RNLS: variants seen among roughly 807,000 people sequenced by gnomAD.
RNLS encodes the protein renalase.
In RNLS, 39 loss-of-function variants were observed where a neutral mutation model predicts 39.8. The observed-to-expected ratio is 0.98, with a 90% CI of 0.76 to 1.28. The LOEUF is 1.28. Among genes scored for constraint, RNLS ranks in the 50% most tolerant of loss-of-function variants. The pLI, the probability that RNLS is intolerant of heterozygous loss-of-function variation, is 0.00. For missense variants in RNLS, 410 were observed against 413.3 expected (o/e 0.99, Z 0.07); for synonymous variants, 147 against 150.7 (o/e 0.98, Z 0.18).
At chr10:88,516,174 G>T (rs909953830) in intron 4 of RNLS, among the ~76,000 whole-genome samples, 1 of 152,016 alleles carries the variant, frequency 6.6e-6, no homozygotes. Context: ...TATCCAGTCT[G>T]TGCCATTTTG....
intron 4 of RNLS, among the ~76,000 whole-genome samples, chr10:88,554,094 C>T (rs1250153372): frequency 6.6e-6 from 1 of 151,562 alleles, no homozygotes; most frequent in Non-Finnish European, 1.5e-5. Flanking sequence ...ACTTCGCCCA[C>T]AATGAGCAAC....
chr10:88,549,135 T>C (rs1463863998), intron 4 of RNLS, among the ~76,000 whole-genome samples: 1 of 152,184 alleles, frequency 6.6e-6, no homozygotes, highest in Non-Finnish European at 1.5e-5. Context: ...CTGTCTCATC[T>C]CCTAAAACTT....
chr10:88,573,496 ATG>A (rs1488906224), intron 3 of RNLS, among the ~76,000 whole-genome samples: 1 of 152,216 alleles, frequency 6.6e-6, no homozygotes, highest in African/African-American at 2.4e-5. Flanking sequence ...TTCAGTAAAC[ATG>A]TGTGTTAGCA....
At chr10:88,503,179 GA>G (rs1385582229) in intron 4 of RNLS, among the ~76,000 whole-genome samples, 1 of 152,166 alleles carries the variant, frequency 6.6e-6, no homozygotes, top group African/African-American at 2.4e-5. Flanking sequence ...TCAGGAGTTT[GA>G]AACCAGTCTG....
At chr10:88,176,745 C>G in the RNLS span, among the ~76,000 whole-genome samples, 1 of 151,690 alleles carries the variant, frequency 6.6e-6, no homozygotes. Flanking sequence ...AGATATTGTT[C>G]TTTTGCTTCC....
chr10:88,239,206 C>A, the RNLS span, among the ~76,000 whole-genome samples: 15 of 152,286 alleles, frequency 9.8e-5, no homozygotes, highest in Non-Finnish European at 8.8e-5. Flanking sequence ...CATGTCGAGG[C>A]CTGCTGTCCT....
chr10:88,299,451 C>T (rs779225238), intron 6 of RNLS, among the ~76,000 whole-genome samples: 37 of 152,000 alleles, frequency 2.4e-4, no homozygotes, highest in African/African-American at 1.4e-4. Context: ...GGTGAAACCC[C>T]ATCTCTACTA....
the RNLS span, among the ~76,000 whole-genome samples, chr10:88,184,598 G>A: frequency 1.4e-3 from 215 of 152,132 alleles, no homozygotes; most frequent in African/African-American, 5.0e-3. Context: ...CAACTATTAG[G>A]TCTGGGACCT....
chr10:88,502,708 G>A (rs1845574841), intron 4 of RNLS, among the ~76,000 whole-genome samples: 1 of 152,150 alleles, frequency 6.6e-6, no homozygotes, highest in Non-Finnish European at 1.5e-5. Context: ...AGGTGATTCT[G>A]TGTATAATAA....
At position 88,285,153 on chromosome 10, in the gene RNLS, G is replaced by A. The variant is rs1414396351; in HGVS notation, c.*201C>T. The A allele has an allele frequency of 3.4e-6, 4 of 1,190,864 alleles. No homozygotes were observed. The highest frequency in any genetic ancestry group is 3.2e-5 in the African/African-American group (2 of 62,922). 73.8% of individuals were successfully genotyped at this position (1,190,864 alleles called of 1,614,324 possible). The stretch of plus-strand genomic sequence containing the variant: ...ATTCAGAAAAGTAGGGAAGGTGCAA[G>A]GTGTGAGGAATTTCCATTCTAGCAT... On this transcript the variant is annotated 3_prime_UTR_variant, in exon 7 of 7. Transcript: ENST00000331772.
chr10:88,259,685 A>T, the RNLS span, among the ~76,000 whole-genome samples: 1 of 152,180 alleles, frequency 6.6e-6, no homozygotes, highest in Non-Finnish European at 1.5e-5. Context: ...ATATGGGAGG[A>T]TTCAAAATAT....
At chr10:88,551,394 T>A (rs6586140) in intron 4 of RNLS, among the ~76,000 whole-genome samples, 2 of 152,010 alleles carry the variant, frequency 1.3e-5, no homozygotes, top group African/African-American at 4.8e-5. Context: ...AAAAATCAAC[T>A]AATGTGGATG....
At chr10:88,250,452 A>G in the RNLS span, among the ~76,000 whole-genome samples, 1 of 152,200 alleles carries the variant, frequency 6.6e-6, no homozygotes, top group East Asian at 1.9e-4. Context: ...AAATGAATGA[A>G]ATGAATGAAG....
intron 4 of RNLS, among the ~76,000 whole-genome samples, chr10:88,567,072 A>C (rs956255913): frequency 6.6e-6 from 1 of 152,158 alleles, no homozygotes; most frequent in Non-Finnish European, 1.5e-5. Flanking sequence ...AAGCAAAATA[A>C]AATTAAAATG....
At position 88,481,851 on chromosome 10, in the gene RNLS, C is replaced by T. The variant is rs567496455; in HGVS notation, c.526+91052G>A. The stretch of plus-strand genomic sequence containing the variant: ...ACTTACTTTTAGCCTGAAAGACTTC[C>T]TTTGGTATTCTCATAAGACAGGTCT... On this transcript the variant is annotated intron_variant, in intron 4 of 6. Transcript: ENST00000331772. Among the ~76,000 whole-genome samples, 9 of 152,108 alleles carry T rather than the reference C, an allele frequency of 5.9e-5. No homozygotes were observed. In the South Asian group the frequency reaches 1.9e-3, roughly 32 times the overall value.
In RNLS at chr10:88,362,587, C is replaced by T. The variant is rs191733133; in HGVS notation, c.665G>A (p.Arg222His). 1.1e-5 allele frequency: 18 copies of T among 1,613,736 alleles called. No individual in the cohort carries two copies. Among genetic ancestry groups the T allele is most frequent in the Admixed American group, 1.0e-4 (6 of 59,914 alleles). ...CTTCTTATTATCAATGGAGACGAAG[C>T]GTATGCAGGGATTACTGGTGATGTA... ...GQYITSNPCI[R>H]FVSIDNKKRN... Residue 222 changes from arginine to histidine, a missense_variant, in exon 5 of 7, where the codon CGC becomes CAC. Physicochemically the swap from Arg to His is conservative, Grantham distance 29. Transcript: ENST00000331772.
At chr10:88,427,807 ATGT>A (rs1184089839) in intron 4 of RNLS, among the ~76,000 whole-genome samples, 5 of 152,128 alleles carry the variant, frequency 3.3e-5, no homozygotes, top group Admixed American at 6.6e-5. Context: ...ATAGTAACTC[ATGT>A]TGTTCTCAGA....
At chr10:88,400,275 A>G (rs545264133) in intron 4 of RNLS, among the ~76,000 whole-genome samples, 1 of 152,108 alleles carries the variant, frequency 6.6e-6, no homozygotes, top group South Asian at 2.1e-4. Flanking sequence ...AATCTACAAG[A>G]TAGAGTCTCT....
intron 4 of RNLS, among the ~76,000 whole-genome samples, chr10:88,437,556 TAGAC>T (rs1841480144): frequency 6.6e-6 from 1 of 152,222 alleles, no homozygotes. Context: ...TGGACTGTGC[TAGAC>T]ACAGTTGGAA....
Sources: allele counts gnomAD v4.1 joint callset (sites outside exome capture counted in the v4.1 genomes callset), GRCh38; gene constraint gnomAD v4.1.1; transcripts MANE v1.5; gene names NCBI Gene and HGNC (gene_info 2026-07-23, HGNC 2026-07-21).